Variants in SNX25 observed in about 807,000 individuals in gnomAD.
The protein encoded by SNX25 is sorting nexin-25.
In SNX25, 62 loss-of-function variants were observed where a neutral mutation model predicts 113.7. The ratio of observed to expected loss-of-function variants is 0.55; its 90% CI spans 0.44 to 0.67. The LOEUF is 0.67. Among genes scored for constraint, SNX25 ranks in the 30% least tolerant of loss-of-function variants. The pLI, the probability that SNX25 is intolerant of heterozygous loss-of-function variation, is 0.00. For missense variants in SNX25, 1,014 were observed against 1,161.0 expected, an observed-to-expected ratio of 0.87 and a Z score of 1.84; for synonymous variants, 421 against 436.2, an observed-to-expected ratio of 0.97 and a Z score of 0.43.
the SNX25 span, chr4:185,375,627 T>G: frequency 1.9e-6 from 3 of 1,606,024 alleles, no homozygotes; most frequent in Admixed American, 3.4e-5. Flanking sequence ...TCTAGAGTGG[T>G]CCCCAGCCCA....
At chr4:185,285,804 G>T (rs1751265081) in intron 5 of SNX25, among the ~76,000 whole-genome samples, 1 of 152,106 alleles carries the variant, frequency 6.6e-6, no homozygotes, top group Admixed American at 6.6e-5. Context: ...ACGGGGTCTT[G>T]CTCTGTTGCC....
At chr4:185,349,523 C>G (rs532301400) in intron 13 of SNX25, among the ~76,000 whole-genome samples, 1 of 152,300 alleles carries the variant, frequency 6.6e-6, no homozygotes, top group South Asian at 2.1e-4. Context: ...AATTTACAAT[C>G]CCACCAACAG....
At chr4:185,231,913 T>A (rs1741935456) in intron 1 of SNX25, among the ~76,000 whole-genome samples, 1 of 152,190 alleles carries the variant, frequency 6.6e-6, no homozygotes. Context: ...ATGCAGCTAG[T>A]CTTTTATGGC....
downstream of SNX25, among the ~76,000 whole-genome samples, chr4:185,372,393 AT>A (rs1367001942): frequency 6.6e-6 from 1 of 152,266 alleles, no homozygotes; most frequent in African/African-American, 2.4e-5. Flanking sequence ...ATTAAGTAAA[AT>A]TTAAAAGTTT....
At chr4:185,317,394 G>A (rs1290610475) in intron 7 of SNX25, among the ~76,000 whole-genome samples, 2 of 152,136 alleles carry the variant, frequency 1.3e-5, no homozygotes, top group Non-Finnish European at 2.9e-5. Flanking sequence ...TAGTTCAACC[G>A]TTGTGGAAGA....
chr4:185,298,502 G>A (rs907515813), intron 6 of SNX25, among the ~76,000 whole-genome samples: 1 of 151,912 alleles, frequency 6.6e-6, no homozygotes, highest in African/African-American at 2.4e-5. Context: ...CATAGCTTAT[G>A]TCACCTTTGT....
At chr4:185,291,844 A>C (rs1560975947) in intron 6 of SNX25, among the ~76,000 whole-genome samples, 2 of 152,200 alleles carry the variant, frequency 1.3e-5, no homozygotes. Context: ...CAAAGACCCC[A>C]TTTCCGAATA....
upstream of SNX25, chr4:185,209,373 C>T (rs1471171566): frequency 1.3e-5 from 2 of 152,452 alleles, no homozygotes; most frequent in Non-Finnish European, 2.9e-5. The surrounding 1 kb of genome is among the most constrained non-coding windows in gnomAD (Gnocchi z 5.2). Context: ...CAAAATTTTC[C>T]ATGAACAGAC....
chr4:185,286,620 TCTGA>T (rs1242436700), intron 5 of SNX25, among the ~76,000 whole-genome samples: 1 of 152,212 alleles, frequency 6.6e-6, no homozygotes, highest in Non-Finnish European at 1.5e-5. Flanking sequence ...CCTGGCCATC[TCTGA>T]CTGCTGGGAA....
chr4:185,215,316 C>T (rs184269532), intron 1 of SNX25, among the ~76,000 whole-genome samples: 1 of 152,212 alleles, frequency 6.6e-6, no homozygotes, highest in Non-Finnish European at 1.5e-5. Flanking sequence ...CACAAGAGTA[C>T]TCCCTTCCCT....
intron 1 of SNX25, among the ~76,000 whole-genome samples, chr4:185,228,313 T>G (rs1741316678): frequency 6.6e-6 from 1 of 151,728 alleles, no homozygotes; most frequent in Non-Finnish European, 1.5e-5. Flanking sequence ...CAGAGATAGA[T>G]TGTAATTGAT....
intron 2 of SNX25, among the ~76,000 whole-genome samples, chr4:185,257,884 G>A (rs1746685614): frequency 1.3e-5 from 2 of 152,182 alleles, no homozygotes; most frequent in African/African-American, 4.8e-5. Flanking sequence ...ATCTAAGACT[G>A]ATTTATGGGA....
chr4:185,360,950 T>TAG (rs1554014180), intron 16 of SNX25, among the ~76,000 whole-genome samples: 1 of 141,760 alleles, frequency 7.1e-6, no homozygotes, highest in African/African-American at 2.7e-5. Flanking sequence ...TATATATATA[T>TAG]ATAGAATCTG....
chr4:185,279,471 C>T (rs74940207), intron 5 of SNX25, among the ~76,000 whole-genome samples: 1 of 152,114 alleles, frequency 6.6e-6, no homozygotes, highest in Non-Finnish European at 1.5e-5. Flanking sequence ...TTTTAAAAGC[C>T]CTTTAGTGGA....
chr4:185,269,357 G>T (rs930405954), intron 5 of SNX25, among the ~76,000 whole-genome samples: 1 of 152,100 alleles, frequency 6.6e-6, no homozygotes, highest in Non-Finnish European at 1.5e-5. Flanking sequence ...GCTGTTCCTG[G>T]ATTTGCTGTG....
chr4:185,210,277 G>T lies in SNX25; in HGVS notation c.429+22G>T. 6.1e-6 allele frequency: 6 copies of T among 984,570 alleles called. No individual in the cohort carries two copies. The South Asian group carries it at 2.3e-4, about 39-fold the overall frequency. 61.0% of individuals were successfully genotyped at this position (984,570 alleles called of 1,614,324 possible). A position where few individuals can be genotyped will look rare whatever the true frequency, so the allele number is the denominator to read the frequency against. On this transcript the variant is annotated intron_variant, in intron 1 of 18. Coordinates refer to ENST00000652585, the MANE Select transcript of SNX25 (RefSeq NM_001378034.2). This position sits in a 1 kb window ranked among gnomAD's most constrained non-coding sequence, Gnocchi z 4.4. ...GGGGGTAAGTACCCGACTCCTGGCC[G>T]CCCAGCTCCGCCGGCCCTCCCCGCT...
intron 6 of SNX25, among the ~76,000 whole-genome samples, chr4:185,291,385 G>A (rs1752151155): frequency 6.6e-6 from 1 of 152,100 alleles, no homozygotes; most frequent in African/African-American, 2.4e-5. Context: ...CTCAGCCCGT[G>A]ACAACCACCA....
At chr4:185,291,215 A>G (rs984475089) in intron 6 of SNX25, among the ~76,000 whole-genome samples, 8 of 152,224 alleles carry the variant, frequency 5.3e-5, no homozygotes, top group Non-Finnish European at 1.0e-4. Context: ...GTGGTGAAAT[A>G]TACGTAACAA....
At chr4:185,371,832 T>G (rs547371442), downstream of SNX25, among the ~76,000 whole-genome samples, 323 of 152,290 alleles carry the variant, frequency 2.1e-3, no homozygotes, top group African/African-American at 7.5e-3. Flanking sequence ...AAGCAGCCCC[T>G]CCTTCCCTTC....
Sources: allele counts gnomAD v4.1 joint callset (sites outside exome capture counted in the v4.1 genomes callset), GRCh38; gene constraint gnomAD v4.1.1; non-coding constraint Gnocchi (gnomAD v3.1); transcripts MANE v1.5; gene names NCBI Gene and HGNC (gene_info 2026-07-23, HGNC 2026-07-21).